ITGB3BP: variants seen among roughly 807,000 people sequenced by gnomAD.
ITGB3BP encodes integrin subunit beta 3 binding protein, also known as centromere protein R.
Under a neutral mutation model 29.1 loss-of-function variants are expected in ITGB3BP, and 27 were observed. That is an observed-to-expected ratio of 0.93 (90% CI 0.68 to 1.28). The LOEUF is 1.28. Among genes scored for constraint, ITGB3BP ranks in the 50% most tolerant of loss-of-function variants. The probability of loss-of-function intolerance (pLI) is 0.00; values close to 1 mark genes in which losing one functional copy is unlikely to be tolerated. For synonymous variants in ITGB3BP, 61 were observed against 61.4 expected (o/e 0.99, Z 0.03); for missense variants, 192 against 200.2 (o/e 0.96, Z 0.25).
chr1:63,459,913 T>C (rs1644989099), intron 4 of ITGB3BP, among the ~76,000 whole-genome samples: 1 of 152,106 alleles, frequency 6.6e-6, no homozygotes. Flanking sequence ...AAATATGCAT[T>C]TCCAGGCAAT....
chr1:63,527,670 GATTAA>G (rs1646619102), upstream of ITGB3BP, among the ~76,000 whole-genome samples: 2 of 152,280 alleles, frequency 1.3e-5, no homozygotes, highest in Non-Finnish European at 2.9e-5. Context: ...TAAACCTAGA[GATTAA>G]AGTTAGTAGG....
At chr1:63,473,603 C>A (rs1191160802) in intron 4 of ITGB3BP, among the ~76,000 whole-genome samples, 5 of 134,810 alleles carry the variant, frequency 3.7e-5, no homozygotes, top group Admixed American at 7.0e-5. Flanking sequence ...CCAGCCGCCC[C>A]GTCCGGGAGG....
intron 3 of ITGB3BP, among the ~76,000 whole-genome samples, chr1:63,480,071 T>C (rs1393160688): frequency 2.0e-5 from 3 of 150,584 alleles, no homozygotes; most frequent in African/African-American, 7.3e-5. Context: ...AGTATATCAC[T>C]CATTATTTAT....
intron 8 of ITGB3BP, among the ~76,000 whole-genome samples, chr1:63,445,283 T>C (rs1360663286): frequency 2.1e-5 from 2 of 96,896 alleles, no homozygotes; most frequent in Admixed American, 2.3e-4. Flanking sequence ...AAGACTCCAT[T>C]TCAAAAAACA....
intron 4 of ITGB3BP, among the ~76,000 whole-genome samples, chr1:63,459,561 ATTG>A (rs1291572373): frequency 6.6e-6 from 1 of 152,148 alleles, no homozygotes; most frequent in East Asian, 1.9e-4. Flanking sequence ...AATGAAATAT[ATTG>A]TTAACATTTT....
intron 4 of ITGB3BP, among the ~76,000 whole-genome samples, chr1:63,456,652 G>C (rs958492460): frequency 1.3e-5 from 2 of 152,072 alleles, no homozygotes; most frequent in African/African-American, 4.8e-5. Context: ...CCCTTTCCTG[G>C]GAGAACTGGA....
At chr1:63,525,763 A>C, upstream of ITGB3BP, 1 of 1,515,560 alleles carries the variant, frequency 6.6e-7, no homozygotes. Context: ...TACTTAGGTA[A>C]ATTTTTAAAA....
At chr1:63,510,115 G>A (rs749530300) in intron 1 of ITGB3BP, 5 of 634,002 alleles carry the variant, frequency 7.9e-6, no homozygotes, top group East Asian at 5.9e-5. Flanking sequence ...GCTTGAACGC[G>A]GGAAGCAGAT....
At chr1:63,515,712 G>A (rs1646300840) in intron 1 of ITGB3BP, among the ~76,000 whole-genome samples, 1 of 149,498 alleles carries the variant, frequency 6.7e-6, no homozygotes, top group Admixed American at 6.7e-5. Context: ...TGTAGTCCCA[G>A]CTACTCAGGA....
intron 8 of ITGB3BP, among the ~76,000 whole-genome samples, chr1:63,441,900 G>A (rs2100457066): frequency 6.6e-6 from 1 of 152,208 alleles, no homozygotes; most frequent in South Asian, 2.1e-4. Context: ...GCAACTAATG[G>A]CATACATTAC....
At chr1:63,522,386 C>A (rs1266972158) in intron 1 of ITGB3BP, among the ~76,000 whole-genome samples, 2 of 152,234 alleles carry the variant, frequency 1.3e-5, no homozygotes, top group East Asian at 3.9e-4. Flanking sequence ...CTAAATCAAC[C>A]TGAGGACAAG....
intron 4 of ITGB3BP, among the ~76,000 whole-genome samples, chr1:63,458,720 A>G (rs1644970733): frequency 6.6e-6 from 1 of 152,164 alleles, no homozygotes; most frequent in Admixed American, 6.5e-5. Flanking sequence ...AGTTCCGTGA[A>G]GGCAAGGGCG....
At chr1:63,513,564 A>G (rs1646246910) in intron 1 of ITGB3BP, among the ~76,000 whole-genome samples, 3 of 152,192 alleles carry the variant, frequency 2.0e-5, no homozygotes, top group Admixed American at 6.6e-5. Context: ...AAATGTGTTC[A>G]CTGTTACTTA....
chr1:63,454,057 G>GA lies in ITGB3BP; in HGVS notation c.428-84dup, dbSNP rs1261390916. On this transcript the variant is annotated intron_variant, in intron 6 of 8. Transcript: ENST00000271002. This position sits in a 1 kb window ranked among gnomAD's most constrained non-coding sequence, Gnocchi z 4.1. ...ATACTTGCAACAAACAACTTCATGA[G>GA]AAAAAAATAATTCAAAATAATACAT... The GA allele has an allele frequency of 4.2e-6, 3 of 714,522 alleles. No individual in the cohort carries two copies. The highest frequency in any genetic ancestry group is 7.1e-6 in the Non-Finnish European group (3 of 419,966). 44.3% of individuals were successfully genotyped at this position (714,522 alleles called of 1,614,324 possible). A position where few individuals can be genotyped will look rare whatever the true frequency, so the allele number is the denominator to read the frequency against.
upstream of ITGB3BP, among the ~76,000 whole-genome samples, chr1:63,523,828 T>G (rs1646523947): frequency 6.6e-6 from 1 of 152,226 alleles, no homozygotes; most frequent in South Asian, 2.1e-4. Flanking sequence ...AGATTACCTG[T>G]GACGGTATTT....
chr1:63,444,971 A>C (rs935086032), intron 8 of ITGB3BP, among the ~76,000 whole-genome samples: 11 of 152,188 alleles, frequency 7.2e-5, no homozygotes, highest in African/African-American at 2.2e-4. Context: ...AAGTGTTTAT[A>C]ACACTGCTGG....
chr1:63,477,224 C>T (rs1032458340), intron 4 of ITGB3BP, among the ~76,000 whole-genome samples: 4 of 152,186 alleles, frequency 2.6e-5, no homozygotes, highest in African/African-American at 9.7e-5. Flanking sequence ...ATCTTTTAAT[C>T]TGGACTACTA....
chr1:63,460,698 A>G (rs1053048197), intron 4 of ITGB3BP, among the ~76,000 whole-genome samples: 1 of 152,164 alleles, frequency 6.6e-6, no homozygotes, highest in Non-Finnish European at 1.5e-5. Flanking sequence ...TATATGTTTA[A>G]CTTTTTGAGA....
At chr1:63,493,088 A>ACACACGCG (rs372348238) in intron 2 of ITGB3BP, among the ~76,000 whole-genome samples, 280 of 148,842 alleles carry the variant, frequency 1.9e-3, no homozygotes, top group African/African-American at 6.8e-3. Context: ...ACACACACAC[A>ACACACGCG]CGCGCGCGCG....
Sources: allele counts gnomAD v4.1 joint callset (sites outside exome capture counted in the v4.1 genomes callset), GRCh38; gene constraint gnomAD v4.1.1; non-coding constraint Gnocchi (gnomAD v3.1); transcripts MANE v1.5; gene names NCBI Gene and HGNC (gene_info 2026-07-23, HGNC 2026-07-21).